Variants in ASXL2 observed in about 807,000 individuals in gnomAD.
ASXL2 encodes the protein putative Polycomb group protein ASXL2.
ASXL2 carries 23 observed loss-of-function variants against 122.0 expected under a neutral mutation model. That is an observed-to-expected ratio of 0.19 (90% confidence interval 0.14 to 0.27). The LOEUF (loss-of-function observed/expected upper bound fraction) is 0.27, where lower values mean the gene tolerates loss of function less well. ASXL2 is among the 10% of genes least tolerant of loss of function. ASXL2 has a pLI of 1.00. For synonymous variants in ASXL2, 650 were observed against 637.0 expected, an observed-to-expected ratio of 1.02 and a Z score of -0.31; for missense variants, 1,518 against 1,713.8, an observed-to-expected ratio of 0.89 and a Z score of 2.02.
At chr2:25,866,084 T>C (rs2089900439) in intron 1 of ASXL2, among the ~76,000 whole-genome samples, 1 of 151,948 alleles carries the variant, frequency 6.6e-6, no homozygotes, top group Non-Finnish European at 1.5e-5. Flanking sequence ...GTTAAAAATA[T>C]ACAATTTTTA....
chr2:25,810,491 T>A, intron 3 of ASXL2: 1 of 742,464 alleles, frequency 1.3e-6, no homozygotes, highest in Non-Finnish European at 2.4e-6. Context: ...ACCAGCTGGA[T>A]CCTATGGTTC....
chr2:25,772,350 C>T (rs2088470279), intron 5 of ASXL2, among the ~76,000 whole-genome samples: 3 of 152,164 alleles, frequency 2.0e-5, no homozygotes, highest in Admixed American at 2.0e-4. Flanking sequence ...TTACTAAAGT[C>T]TTCCCCTATT....
Position 25,744,051 on chromosome 2 carries a change from C to A in ASXL2, c.2286G>T (p.Gln762His), listed in dbSNP as rs756768142. The change falls in exon 13 of 13, where the codon CAG (glutamine) becomes CAT (histidine). Residue 762 changes from glutamine to histidine, a missense_variant. Physicochemically the swap from Gln to His is conservative, Grantham distance 24. Around this residue, in one of 8 missense-constraint regions of ASXL2, gnomAD observed 831 missense variants for 833.1 expected, o/e 1.00. Coordinates refer to ENST00000435504, the MANE Select transcript of ASXL2 (RefSeq NM_018263.6). The surrounding 1 kb of genome is among the most constrained non-coding windows in gnomAD (Gnocchi z 4.7). ...PQSETKTTPSQAQPHSVSGAQ... is the reference protein window; with the variant it reads ...PQSETKTTPSHAQPHSVSGAQ... ...CTCCAGAGACACTATGAGGCTGTGC[C>A]TGGCTTGGGGTGGTCTTGGTCTCAG... 1 of 1,614,026 alleles carries A rather than the reference C, an allele frequency of 6.2e-7. No homozygotes were observed. The highest frequency in any genetic ancestry group is 1.1e-5 in the South Asian group (1 of 91,084).
intron 3 of ASXL2, chr2:25,822,630 T>C (rs2089326140): frequency 3.5e-6 from 2 of 569,986 alleles, no homozygotes; most frequent in Admixed American, 2.3e-5. Context: ...GAAGTTGATC[T>C]TTTTCACAGT....
intron 3 of ASXL2, among the ~76,000 whole-genome samples, chr2:25,810,817 CAGTTT>C (rs1276505032): frequency 6.6e-6 from 1 of 152,146 alleles, no homozygotes; most frequent in Non-Finnish European, 1.5e-5. Flanking sequence ...CTAAATAAAA[CAGTTT>C]AGTAGTGCTA....
chr2:25,842,988 AT>A (rs373802106), intron 2 of ASXL2, among the ~76,000 whole-genome samples: 40,547 of 144,574 alleles, frequency 0.28, 5,757 homozygotes, highest in African/African-American at 0.31. Flanking sequence ...CACCTGGCTA[AT>A]TTTTTTTTTT....
chr2:25,804,071 AAAAG>A (rs2089040622), intron 4 of ASXL2, among the ~76,000 whole-genome samples: 1 of 152,168 alleles, frequency 6.6e-6, no homozygotes, highest in Non-Finnish European at 1.5e-5. Flanking sequence ...GCTAAAACCA[AAAAG>A]AAATACAGAA....
rs760830865 is a variant in ASXL2, at chr2:25,743,834, GAGA to G, written c.2500_2502del (p.Ser834del). 1.9e-5 allele frequency: 31 copies of G among 1,613,910 alleles called. No homozygotes were observed. Among genetic ancestry groups the G allele is most frequent in the Non-Finnish European group, 2.6e-5 (31 of 1,179,912 alleles). On this transcript the variant is annotated inframe_deletion, in exon 13 of 13. Transcript: ENST00000435504. ...CCTGAGATTAGAGCAGGACCTGTTG[GAGA>G]AGGTGCTTTCTCCTGTCTGCAACTA...
At chr2:25,864,833 A>AT (rs11358919) in intron 1 of ASXL2, among the ~76,000 whole-genome samples, 415 of 144,032 alleles carry the variant, frequency 2.9e-3, no homozygotes, top group Non-Finnish European at 3.6e-3. Flanking sequence ...ACAATTTACA[A>AT]TTTTTTTTTT....
intron 4 of ASXL2, among the ~76,000 whole-genome samples, chr2:25,800,506 T>C (rs148102289): frequency 2.1e-4 from 32 of 152,258 alleles, no homozygotes; most frequent in African/African-American, 7.7e-4. Context: ...AGGTTCTTCC[T>C]GACAGAAAAA....
intron 10 of ASXL2, among the ~76,000 whole-genome samples, chr2:25,755,520 A>G (rs1290000491): frequency 1.3e-5 from 2 of 152,210 alleles, no homozygotes; most frequent in Admixed American, 6.5e-5. Context: ...AAATGGCTGA[A>G]TTTTATATTA....
chr2:25,742,762 G>A lies in ASXL2; in HGVS notation c.3575C>T (p.Ser1192Phe). Residue 1192 changes from serine (S) to phenylalanine (F), a missense_variant, in exon 13 of 13, where the codon TCT becomes TTT. Physicochemically the swap from Ser to Phe is radical, Grantham distance 155 (BLOSUM62 -2). This residue lies in a region of ASXL2 where 831 missense variants were observed against 833.1 expected (regional missense o/e 1.00). Transcript: ENST00000435504. ...CTGGGGCTCCTCTTTCACTGTGACA[G>A]ATTCCTGCTCATCACCAGTACTTTC... ...DEESTGDEQE[S>F]VTVKEEPQVS... 1 of 1,613,984 alleles carries A rather than the reference G, an allele frequency of 6.2e-7. No homozygotes were observed. The highest frequency in any genetic ancestry group is 1.1e-5 in the South Asian group (1 of 91,080).
intron 1 of ASXL2, among the ~76,000 whole-genome samples, chr2:25,847,847 T>C (rs1057250359): frequency 1.3e-5 from 2 of 152,234 alleles, no homozygotes; most frequent in East Asian, 1.9e-4. Context: ...TGGCCATAAA[T>C]TGATAATTAT....
intron 8 of ASXL2, among the ~76,000 whole-genome samples, chr2:25,761,081 CAA>C (rs1358792853): frequency 6.6e-6 from 1 of 151,970 alleles, no homozygotes; most frequent in African/African-American, 2.4e-5. Context: ...AGAGAGAAGA[CAA>C]AATATTTTTA....
intron 8 of ASXL2, among the ~76,000 whole-genome samples, chr2:25,765,355 G>T (rs1334634808): frequency 6.6e-6 from 1 of 151,958 alleles, no homozygotes; most frequent in Admixed American, 6.6e-5. Context: ...GCGTGGTGGC[G>T]GGCACCTGTC....
intron 2 of ASXL2, among the ~76,000 whole-genome samples, chr2:25,840,883 A>G (rs1028700818): frequency 1.3e-5 from 2 of 152,240 alleles, no homozygotes; most frequent in Non-Finnish European, 2.9e-5. Flanking sequence ...ATATAAAGGG[A>G]GTAGAGCTCA....
At chr2:25,771,627 A>G in intron 5 of ASXL2, 87 bp from the exon 6 acceptor site, 1 of 1,057,324 alleles carries the variant, frequency 9.5e-7, no homozygotes, top group Non-Finnish European at 1.4e-6. Flanking sequence ...TGCTACCTGG[A>G]GTAAGAACTA....
rs1381103661 is a variant in ASXL2, at chr2:25,740,577, T to TAA, written c.*1450_*1451dup. On this transcript the variant is annotated 3_prime_UTR_variant, in exon 13 of 13. Transcript: ENST00000435504. Reference sequence around the variant, plus strand: ...ATTTTAATGTTCCTTAACCATGACCTAAATATTATGTACTCACAATTTCTT... The same window carrying TAA: ...ATTTTAATGTTCCTTAACCATGACCTAAAAATATTATGTACTCACAATTTCTT... The TAA allele has an allele frequency of 4.3e-6, 1 of 229,886 alleles. No individual in the cohort carries two copies. 14.2% of individuals were successfully genotyped at this position (229,886 alleles called of 1,614,324 possible).
At chr2:25,818,246 C>T (rs1011273435) in intron 3 of ASXL2, among the ~76,000 whole-genome samples, 3 of 152,220 alleles carry the variant, frequency 2.0e-5, no homozygotes, top group East Asian at 1.9e-4. Context: ...CAGTGGCTCA[C>T]GCCTGTAATT....
Sources: gnomAD v4.1 joint callset for allele counts (sites outside exome capture counted in the v4.1 genomes callset) on GRCh38, gnomAD v4.1.1 for gene constraint, gnomAD v4.1.1 regional missense constraint, Gnocchi (gnomAD v3.1) non-coding constraint, MANE v1.5 for transcripts, NCBI Gene and HGNC (gene_info 2026-07-23, HGNC 2026-07-21) for gene names.